ADAM33: variants seen among roughly 807,000 people sequenced by gnomAD.
The protein encoded by ADAM33 is ADAM metallopeptidase domain 33.
ADAM33 carries 103 observed loss-of-function variants against 106.2 expected under a neutral mutation model. The observed-to-expected ratio is 0.97, with a 90% CI of 0.83 to 1.14. The LOEUF (loss-of-function observed/expected upper bound fraction) is 1.14, where lower values mean the gene tolerates loss of function less well. ADAM33 is among the 50% of genes most tolerant of loss of function. The probability of loss-of-function intolerance (pLI) is 0.00; values close to 1 mark genes in which losing one functional copy is unlikely to be tolerated. For missense variants in ADAM33, 1,120 were observed against 1,096.6 expected (o/e 1.02, Z -0.30); for synonymous variants, 483 against 453.0 (o/e 1.07, Z -0.84).
intron 2 of ADAM33, among the ~76,000 whole-genome samples, chr20:3,677,895 C>T (rs1004667547): frequency 4.6e-5 from 7 of 152,346 alleles, no homozygotes; most frequent in African/African-American, 1.7e-4. Context: ...GGCTGGGGGC[C>T]CAGAGTTGGA....
At chr20:3,679,993 C>G (rs549168305) in intron 1 of ADAM33, among the ~76,000 whole-genome samples, 2 of 152,138 alleles carry the variant, frequency 1.3e-5, no homozygotes, top group East Asian at 1.9e-4. Flanking sequence ...TTGTGCCCCC[C>G]CCATCATCTG....
rs377048338 is a variant in ADAM33 at position 3,673,569 on chromosome 20, C to T, written c.990+5G>A. On this transcript the variant is annotated splice_donor_5th_base_variant and intron_variant, in intron 10 of 21. Transcript: ENST00000356518. ...CTCTCCCTCGCCCCCGCCCGCGGGG[C>T]TCACCGTGCTCACGCCTCCCGAGCT... is the stretch of plus-strand genomic sequence containing the variant. The T allele has an allele frequency of 5.0e-4, 699 of 1,389,542 alleles. No individual in the cohort carries two copies. Among genetic ancestry groups the T allele is most frequent in the Non-Finnish European group, 6.0e-4 (650 of 1,078,492 alleles). 86.1% of individuals were successfully genotyped at this position (1,389,542 alleles called of 1,614,324 possible).
intron 7 of ADAM33, 33 bp from the exon 8 acceptor site, chr20:3,674,168 G>C (rs200887152): frequency 1.9e-6 from 3 of 1,614,190 alleles, no homozygotes; most frequent in Non-Finnish European, 2.5e-6. Flanking sequence ...GGCTTGAGGG[G>C]CTGAGCTGGC....
At chr20:3,676,691 G>A (rs1316330742) in intron 3 of ADAM33, among the ~76,000 whole-genome samples, 1 of 152,130 alleles carries the variant, frequency 6.6e-6, no homozygotes, top group Non-Finnish European at 1.5e-5. Context: ...CGCCCGCCTC[G>A]GCCTCCCAAA....
chr20:3,672,726 C>T lies in ADAM33; in HGVS notation c.1306G>A (p.Gly436Ser), dbSNP rs1378324609. ...EAGEECDCGP[G>S]QECRDLCCFA... ...GCCGGGCGAGCCGACTTAACCTGGC[C>T]AGGGCCGCAGTCACACTCCTCGCCC... Residue 436 changes from glycine to serine, a missense_variant, in exon 12 of 22, where the codon GGC (glycine) becomes AGC (serine). Physicochemically the swap from Gly to Ser is moderately conservative, Grantham distance 56. Transcript: ENST00000356518. 1.3e-6 allele frequency: 2 copies of T among 1,576,844 alleles called. No individual in the cohort carries two copies.
At position 3,672,532 on chromosome 20, in the gene ADAM33, C is replaced by G; in HGVS notation, c.1401+5G>C. The G allele has an allele frequency of 1.2e-6, 2 of 1,613,024 alleles. No homozygotes were observed. The highest frequency in any genetic ancestry group is 1.1e-5 in the South Asian group (1 of 91,016). On this transcript the variant is annotated splice_donor_5th_base_variant and intron_variant, in intron 13 of 21. Transcript: ENST00000356518. ...ACCCTCACCCTGAACCTTCCATGCCCTCACCAGGCAGCGCACGCAGCAGTC... is the reference window on the plus strand; with the variant it reads ...ACCCTCACCCTGAACCTTCCATGCCGTCACCAGGCAGCGCACGCAGCAGTC...
intron 2 of ADAM33, among the ~76,000 whole-genome samples, chr20:3,677,742 G>A (rs1339768655): frequency 5.3e-5 from 8 of 152,166 alleles, no homozygotes; most frequent in Admixed American, 1.3e-4. Flanking sequence ...AAACATGGAC[G>A]CCATTCCAGC....
chr20:3,670,581 G>T, intron 19 of ADAM33: 1 of 175,614 alleles, frequency 5.7e-6, no homozygotes, highest in Non-Finnish European at 1.2e-5. Flanking sequence ...ACTTCAAGGG[G>T]GTGACAGAGG....
intron 3 of ADAM33, among the ~76,000 whole-genome samples, chr20:3,676,828 A>C (rs2088006355): frequency 1.3e-5 from 2 of 152,194 alleles, no homozygotes; most frequent in African/African-American, 4.8e-5. Context: ...CATCGCCAGC[A>C]GGGAGCTAAC....
rs1473933261 is a variant in ADAM33 at position 3,672,793 on chromosome 20, G to A, written c.1239C>T (p.Leu413=). ...TCCCGCAGAGCGCCGGCGGCACCGG[G>A]AGTCCGGGGTCCGGGGCATTGGAGA... is the stretch of plus-strand genomic sequence containing the variant. The part of the protein sequence containing the change: ...ACLSNAPDPG[L]PVPPALCGNG... The change falls in exon 12 of 22, where the codon CTC becomes CTT. Residue 413 remains leucine, a synonymous_variant. Coordinates refer to ENST00000356518, the MANE Select transcript of ADAM33 (RefSeq NM_025220.5). 1.9e-6 allele frequency: 3 copies of A among 1,573,198 alleles called. No homozygotes were observed. The South Asian group carries it at 3.4e-5, about 18-fold the overall frequency.
intron 21 of ADAM33, 55 bp from the exon 22 acceptor site, chr20:3,669,055 C>G: frequency 1.3e-6 from 2 of 1,590,920 alleles, no homozygotes; most frequent in South Asian, 1.1e-5. Context: ...AGGCTGCAAG[C>G]TGTGTGGCAG....
chr20:3,677,089 G>A lies in ADAM33; in HGVS notation c.232C>T (p.Leu78=). 1 of 1,612,950 alleles carries A rather than the reference G, an allele frequency of 6.2e-7. No individual in the cohort carries two copies. The highest frequency in any genetic ancestry group is 8.5e-7 in the Non-Finnish European group (1 of 1,179,710). Residue 78 remains leucine, a synonymous_variant, in exon 3 of 22, where the codon CTG becomes TTG. Transcript: ENST00000356518. ...VALEAEGQEL[L]LELEKNHRLL... is the part of the protein sequence containing the mutation. ...CACTGGTTCTTCTCCAGCTCAAGCA[G>A]GAGCTCCTGGCCTTCAGCCTCCAGG... is the stretch of plus-strand genomic sequence containing the variant.
In ADAM33 at chr20:3,668,779, T is replaced by C; in HGVS notation, c.*184A>G. The stretch of plus-strand genomic sequence containing the variant: ...GCAGTGTTCTCCAGCCCTCAGGAAC[T>C]TCTAATGTGGCTCTGGGTTCCTGGA... On this transcript the variant is annotated 3_prime_UTR_variant, in exon 22 of 22. Transcript: ENST00000356518. The C allele has an allele frequency of 1.4e-6, 1 of 704,870 alleles. No homozygotes were observed. Among genetic ancestry groups the C allele is most frequent in the East Asian group, 2.6e-5 (1 of 39,144 alleles). The allele number at this position is 704,870 out of a possible 1,614,324, so 43.7% of individuals were successfully genotyped here.
rs1169867189 is a variant in ADAM33 at position 3,672,156 on chromosome 20, C to T, written c.1575G>A (p.Gln525=). 6.2e-7 allele frequency: 1 copy of T among 1,612,374 alleles called. No individual in the cohort carries two copies. ...CACCAGGCCCCCAGAGCTGCTGGCA[C>T]TGCTGCTCCAGCGTGGGACATGCGC... The part of the protein sequence containing the change: ...WDGACPTLEQ[Q]CQQLWGPGSH... The change falls in exon 14 of 22, where the codon CAG becomes CAA. Residue 525 remains glutamine, a synonymous_variant. Coordinates refer to ENST00000356518, the MANE Select transcript of ADAM33 (RefSeq NM_025220.5).
At chr20:3,678,026 A>G (rs1477934222) in intron 2 of ADAM33, among the ~76,000 whole-genome samples, 1 of 152,154 alleles carries the variant, frequency 6.6e-6, no homozygotes, top group African/African-American at 2.4e-5. Flanking sequence ...CTTTGGAGGG[A>G]GTTCTTCCTT....
intron 2 of ADAM33, among the ~76,000 whole-genome samples, chr20:3,678,059 C>G (rs1031313011): frequency 1.3e-5 from 2 of 152,236 alleles, no homozygotes; most frequent in African/African-American, 4.8e-5. Flanking sequence ...GCAGATGGTC[C>G]TTGCCTCCCT....
At chr20:3,677,697 C>T (rs1042616020) in intron 2 of ADAM33, among the ~76,000 whole-genome samples, 3 of 152,222 alleles carry the variant, frequency 2.0e-5, no homozygotes, top group Admixed American at 6.5e-5. Context: ...CCCGTCCCTC[C>T]GGCTCCGACA....
chr20:3,671,175 G>T, intron 18 of ADAM33, 22 bp from the exon 19 acceptor site: 6 of 1,613,232 alleles, frequency 3.7e-6, no homozygotes, highest in Non-Finnish European at 5.1e-6. Context: ...GGGGGAAGGG[G>T]CGCTGAGTCC....
chr20:3,680,335 T>A lies in ADAM33; in HGVS notation c.98-764A>T, dbSNP rs1600257159. On this transcript the variant is annotated intron_variant, in intron 1 of 21. Transcript: ENST00000356518. ...AGGCACCCAGAGCCTGCAGCAGCCC[T>A]CCTTCCCCCGGTACCCAGTCCCAGC... Among the ~76,000 whole-genome samples, 2 of 152,048 alleles carry A rather than the reference T, an allele frequency of 1.3e-5. 1 individual carries two copies. The highest frequency in any genetic ancestry group is 4.2e-4 in the South Asian group (2 of 4,812).
Sources: allele counts gnomAD v4.1 joint callset (sites outside exome capture counted in the v4.1 genomes callset), GRCh38; gene constraint gnomAD v4.1.1; transcripts MANE v1.5; gene names NCBI Gene and HGNC (gene_info 2026-07-23, HGNC 2026-07-21).